Variants in LRIF1 observed in about 807,000 individuals in gnomAD.
LRIF1 encodes ligand-dependent nuclear receptor-interacting factor 1.
A neutral mutation model predicts 52.7 loss-of-function variants in LRIF1; 32 were observed. The observed-to-expected ratio is 0.61, with a 90% CI of 0.46 to 0.82. LRIF1 has a LOEUF of 0.82. Among genes scored for constraint, LRIF1 ranks in the 40% least tolerant of loss-of-function variants. The probability of loss-of-function intolerance (pLI) is 0.00; values close to 1 mark genes in which losing one functional copy is unlikely to be tolerated. For missense variants in LRIF1, 887 were observed against 892.0 expected, an observed-to-expected ratio of 0.99 and a Z score of 0.07; for synonymous variants, 323 against 317.4, an observed-to-expected ratio of 1.02 and a Z score of -0.19.
the LRIF1 span, among the ~76,000 whole-genome samples, chr1:110,890,021 T>C: frequency 6.6e-6 from 1 of 152,180 alleles, no homozygotes; most frequent in African/African-American, 2.4e-5. Flanking sequence ...AAATTCACTT[T>C]ATTGTGGAAG....
chr1:110,943,052 C>T (rs1010998352), downstream of LRIF1, among the ~76,000 whole-genome samples: 41 of 151,836 alleles, frequency 2.7e-4, no homozygotes, highest in African/African-American at 9.7e-4. Context: ...AAGCAGTCAA[C>T]GAGGTATGAG....
chr1:110,884,868 A>G, the LRIF1 span, among the ~76,000 whole-genome samples: 4 of 152,014 alleles, frequency 2.6e-5, no homozygotes, highest in South Asian at 8.3e-4. Context: ...TGTAAACAAC[A>G]TAATTGGGTC....
chr1:110,935,113 C>A, the LRIF1 span, among the ~76,000 whole-genome samples: 313 of 152,342 alleles, frequency 2.1e-3, 1 homozygote, highest in African/African-American at 7.1e-3. Flanking sequence ...TCTGCAAGAA[C>A]CACAGAATTA....
chr1:110,891,883 A>C, the LRIF1 span, among the ~76,000 whole-genome samples: 1 of 152,204 alleles, frequency 6.6e-6, no homozygotes, highest in African/African-American at 2.4e-5. Flanking sequence ...AAATTCAGCA[A>C]TTGAATTTCA....
chr1:110,922,155 A>T, the LRIF1 span, among the ~76,000 whole-genome samples: 1 of 152,212 alleles, frequency 6.6e-6, no homozygotes, highest in Admixed American at 6.5e-5. Flanking sequence ...AAAAAATATG[A>T]TCTTGTTCTT....
chr1:110,960,743 C>T (rs757949862), intron 1 of LRIF1, among the ~76,000 whole-genome samples: 9 of 152,166 alleles, frequency 5.9e-5, no homozygotes, highest in Admixed American at 6.5e-5. Flanking sequence ...AATTCATTAA[C>T]GAAGTCGGTC....
Position 110,962,061 on chromosome 1 carries a change from T to TACACACACACAC in LRIF1, c.68+1548_68+1559dup, listed in dbSNP as rs59351644. Reference sequence around the variant, plus strand: ...AGAAACTGGATAACAGAGTTAAGGGTACACACACACACACACACACACACA... The same window carrying TACACACACACAC: ...AGAAACTGGATAACAGAGTTAAGGGTACACACACACACACACACACACACACACACACACACA... On this transcript the variant is annotated intron_variant, in intron 1 of 3. Transcript: ENST00000369763. 2.1e-3 allele frequency among the ~76,000 whole-genome samples: 297 copies of TACACACACACAC among 143,884 alleles called. 1 individual carries two copies. The highest frequency in any genetic ancestry group is 6.3e-3 in the South Asian group (28 of 4,448). The allele number at this position is 143,884 out of a possible 152,430, so 94.4% of individuals were successfully genotyped here. A position where few individuals can be genotyped will look rare whatever the true frequency, so the allele number is the denominator to read the frequency against.
At chr1:110,934,562 C>T in the LRIF1 span, among the ~76,000 whole-genome samples, 1 of 152,222 alleles carries the variant, frequency 6.6e-6, no homozygotes, top group Non-Finnish European at 1.5e-5. Flanking sequence ...CAGCAGTACT[C>T]TCCATGGCTT....
At chr1:110,911,610 A>C in the LRIF1 span, among the ~76,000 whole-genome samples, 1 of 152,188 alleles carries the variant, frequency 6.6e-6, no homozygotes, top group African/African-American at 2.4e-5. Context: ...TCAACAAAAT[A>C]CGAGCAAATT....
chr1:110,902,494 C>CT, the LRIF1 span, among the ~76,000 whole-genome samples: 2 of 14,136 alleles, frequency 1.4e-4, no homozygotes, highest in Non-Finnish European at 1.9e-4. Flanking sequence ...AAATCAATCA[C>CT]TAAAAAAAAA....
the LRIF1 span, among the ~76,000 whole-genome samples, chr1:110,924,268 G>A: frequency 2.4e-4 from 37 of 152,056 alleles, no homozygotes; most frequent in Non-Finnish European, 4.1e-4. Flanking sequence ...TGGTTTCACT[G>A]GTGAATTCTA....
the LRIF1 span, among the ~76,000 whole-genome samples, chr1:110,886,867 A>T: frequency 0.031 from 1,277 of 41,242 alleles, 7 homozygotes; most frequent in South Asian, 0.067. Context: ...ATATATATAT[A>T]TATTTTTTTT....
chr1:110,948,681 A>G (rs1241213500), intron 3 of LRIF1, among the ~76,000 whole-genome samples: 5 of 152,230 alleles, frequency 3.3e-5, no homozygotes, highest in East Asian at 3.8e-4. Flanking sequence ...TAGCACTTGT[A>G]AAGTGCCTGA....
At position 110,951,325 on chromosome 1, in the gene LRIF1, G is replaced by T. The variant is rs781092446; in HGVS notation, c.1559C>A (p.Thr520Asn). Reference protein sequence around the residue: ...ISSSVDATTVTSQQCVFRDQE... With the variant: ...ISSSVDATTVNSQQCVFRDQE... Reference sequence around the variant, plus strand: ...GTCTCTGAAAACACACTGTTGTGAAGTAACAGTTGTTGCATCAACAGAGGA... The same window carrying T: ...GTCTCTGAAAACACACTGTTGTGAATTAACAGTTGTTGCATCAACAGAGGA... The change falls in exon 2 of 4, where the codon ACT (threonine) becomes AAT (asparagine). Residue 520 changes from threonine (T) to asparagine (N), a missense_variant. Physicochemically the swap from Thr to Asn is moderately conservative, Grantham distance 65. Transcript: ENST00000369763. The T allele has an allele frequency of 3.1e-6, 5 of 1,614,064 alleles. No individual in the cohort carries two copies. The highest frequency in any genetic ancestry group is 4.2e-6 in the Non-Finnish European group (5 of 1,179,952).
chr1:110,881,452 T>A, the LRIF1 span, among the ~76,000 whole-genome samples: 3 of 152,264 alleles, frequency 2.0e-5, no homozygotes, highest in Non-Finnish European at 4.4e-5. Flanking sequence ...TTTTAATTGC[T>A]AAGTAGTTTC....
Position 110,948,360 on chromosome 1 carries a change from T to C in LRIF1, c.1909A>G (p.Lys637Glu). The change falls in exon 4 of 4, where the codon AAG becomes GAG. Residue 637 changes from lysine (K) to glutamate (E), a missense_variant. Transcript: ENST00000369763. The part of the protein sequence containing the change: ...DKKRKAKTNK[K>E]MDHIKKRKTE... ...TTTCTCTTCTTTATGTGATCCATCT[T>C]CTTATTAGTTTTTGCTTTTCTTTTC... is the stretch of plus-strand genomic sequence containing the variant. 6.2e-7 allele frequency: 1 copy of C among 1,613,098 alleles called. No individual in the cohort carries two copies. Among genetic ancestry groups the C allele is most frequent in the Non-Finnish European group, 8.5e-7 (1 of 1,179,576 alleles).
the LRIF1 span, chr1:110,899,236 G>A: frequency 0.099 from 142,284 of 1,437,004 alleles, 7,713 homozygotes; most frequent in East Asian, 0.19. Context: ...TTTCATCTCC[G>A]GAAATGCAAA....
the LRIF1 span, among the ~76,000 whole-genome samples, chr1:110,935,629 C>G: frequency 6.6e-6 from 1 of 151,984 alleles, no homozygotes. Context: ...AGCTTAAAGA[C>G]CTGTTATTTG....
At chr1:110,898,424 C>T in the LRIF1 span, among the ~76,000 whole-genome samples, 1 of 151,084 alleles carries the variant, frequency 6.6e-6, no homozygotes, top group Non-Finnish European at 1.5e-5. Context: ...ATTCATTCCT[C>T]AGAGATATGA....
Sources: allele counts gnomAD v4.1 joint callset (sites outside exome capture counted in the v4.1 genomes callset), GRCh38; gene constraint gnomAD v4.1.1; transcripts MANE v1.5; gene names NCBI Gene and HGNC (gene_info 2026-07-23, HGNC 2026-07-21).